The following SLC5A4 variants were observed in gnomAD, a reference collection of about 807,000 sequenced individuals.
SLC5A4 encodes the protein solute carrier family 5 member 4.
SLC5A4 carries 55 observed loss-of-function variants against 70.3 expected under a neutral mutation model. The ratio of observed to expected loss-of-function variants is 0.78; its 90% CI spans 0.63 to 0.98. The LOEUF (loss-of-function observed/expected upper bound fraction) is 0.98, where lower values mean the gene tolerates loss of function less well. SLC5A4 is among the 50% of genes least tolerant of loss of function. The probability of loss-of-function intolerance (pLI) is 0.00; values close to 1 mark genes in which losing one functional copy is unlikely to be tolerated. For synonymous variants in SLC5A4, 268 were observed against 305.7 expected (o/e 0.88, Z 1.29); for missense variants, 735 against 839.2 (o/e 0.88, Z 1.53).
chr22:32,223,476 C>T (rs1392396355), intron 13 of SLC5A4, among the ~76,000 whole-genome samples: 1 of 152,200 alleles, frequency 6.6e-6, no homozygotes, highest in African/African-American at 2.4e-5. Flanking sequence ...TCATATTAAA[C>T]ATTTTTGCCA....
At chr22:32,239,491 C>T (rs1926259319) in intron 5 of SLC5A4, among the ~76,000 whole-genome samples, 1 of 116,176 alleles carries the variant, frequency 8.6e-6, no homozygotes, top group Non-Finnish European at 1.7e-5. Context: ...GTAATTGAGT[C>T]ACTGCACTCC....
chr22:32,328,116 C>A, the SLC5A4 span, among the ~76,000 whole-genome samples: 1 of 147,996 alleles, frequency 6.8e-6, no homozygotes, highest in Admixed American at 6.7e-5. Context: ...ACACCAGAGC[C>A]CCCAAAACAC....
chr22:32,239,518 T>TTTTATATATATA (rs1455543266), intron 5 of SLC5A4, among the ~76,000 whole-genome samples: 6 of 25,226 alleles, frequency 2.4e-4, no homozygotes, highest in Admixed American at 8.8e-4. Context: ...GGAGTGCATA[T>TTTTATATATATA]TATATATATA....
chr22:32,305,466 G>GGAGAAAAACAGTATT, the SLC5A4 span, among the ~76,000 whole-genome samples: 2 of 148,944 alleles, frequency 1.3e-5, no homozygotes, highest in Non-Finnish European at 3.0e-5. Context: ...AGACCTCTCT[G>GGAGAAAAACAGTATT]GAGAAAAACA....
At chr22:32,279,407 A>G in the SLC5A4 span, among the ~76,000 whole-genome samples, 1 of 152,280 alleles carries the variant, frequency 6.6e-6, no homozygotes, top group African/African-American at 2.4e-5. Flanking sequence ...ATAATCGCTG[A>G]GAGCTGGAGA....
At chr22:32,278,650 A>G in the SLC5A4 span, among the ~76,000 whole-genome samples, 1 of 152,344 alleles carries the variant, frequency 6.6e-6, no homozygotes, top group African/African-American at 2.4e-5. Context: ...AAAAAATACT[A>G]TATTCAAAGA....
chr22:32,301,415 G>A, the SLC5A4 span, among the ~76,000 whole-genome samples: 1 of 152,156 alleles, frequency 6.6e-6, no homozygotes, highest in South Asian at 2.1e-4. Context: ...AATGATTAAT[G>A]ATGTTAAATA....
chr22:32,247,527 G>A lies in SLC5A4; in HGVS notation c.373-12C>T, dbSNP rs747728159. The A allele has an allele frequency of 2.5e-6, 4 of 1,575,256 alleles. No homozygotes were observed. The highest frequency in any genetic ancestry group is 4.5e-5 in the East Asian group (2 of 44,660). ...GGCATGGTCATCACCTGCAGAGACAGACATTGACAGGGACTTAACTTACCC... is the reference window on the plus strand; with the variant it reads ...GGCATGGTCATCACCTGCAGAGACAAACATTGACAGGGACTTAACTTACCC... On this transcript the variant is annotated splice_polypyrimidine_tract_variant and intron_variant, in intron 4 of 14. Coordinates refer to ENST00000266086, the MANE Select transcript of SLC5A4 (RefSeq NM_014227.3).
the SLC5A4 span, chr22:32,269,351 C>T: frequency 5.6e-6 from 2 of 355,650 alleles, no homozygotes; most frequent in Non-Finnish European, 1.1e-5. This position sits in a 1 kb window ranked among gnomAD's most constrained non-coding sequence, Gnocchi z 4.1. Context: ...TATTTTGATT[C>T]CATAGGAGTG....
At chr22:32,221,768 TAAG>T (rs1213105123) in intron 13 of SLC5A4, among the ~76,000 whole-genome samples, 1 of 152,136 alleles carries the variant, frequency 6.6e-6, no homozygotes, top group East Asian at 1.9e-4. Context: ...TTGTTTTCAA[TAAG>T]AAGGAGTTTC....
At chr22:32,339,438 C>G in the SLC5A4 span, among the ~76,000 whole-genome samples, 1 of 152,228 alleles carries the variant, frequency 6.6e-6, no homozygotes, top group South Asian at 2.1e-4. Context: ...TAGACAGGAT[C>G]TGAACTCAGC....
rs906371346 is a variant in SLC5A4, at chr22:32,224,268, T to G, written c.1664A>C (p.His555Pro). Residue 555 changes from histidine to proline, a missense_variant and splice_region_variant, in exon 13 of 15, where the codon CAT (histidine) becomes CCT (proline). By Grantham distance (77) the His-to-Pro change is moderately conservative. Coordinates refer to ENST00000266086, the MANE Select transcript of SLC5A4 (RefSeq NM_014227.3). ...SLLTKPIPDV[H>P]LYRLCWVLRN... Reference sequence around the variant, plus strand: ...ATGTATTCATTACTCATCACTCACATGTACATCAGGAATGGGTTTTGTTAA... The same window carrying G: ...ATGTATTCATTACTCATCACTCACAGGTACATCAGGAATGGGTTTTGTTAA... The G allele has an allele frequency of 2.5e-6, 4 of 1,606,160 alleles. No individual in the cohort carries two copies. Among genetic ancestry groups the G allele is most frequent in the Admixed American group, 1.7e-5 (1 of 60,004 alleles).
the SLC5A4 span, among the ~76,000 whole-genome samples, chr22:32,302,676 CTG>C: frequency 6.6e-6 from 1 of 152,192 alleles, no homozygotes; most frequent in African/African-American, 2.4e-5. Flanking sequence ...TTCCATTCAT[CTG>C]TGTGTCTGTC....
intron 5 of SLC5A4, among the ~76,000 whole-genome samples, chr22:32,239,558 A>AAATATATATT (rs1926332563): frequency 4.0e-5 from 1 of 24,986 alleles, no homozygotes. Context: ...ATATATATAT[A>AAATATATATT]TATATATATA....
At chr22:32,321,112 C>T in the SLC5A4 span, among the ~76,000 whole-genome samples, 1 of 152,200 alleles carries the variant, frequency 6.6e-6, no homozygotes, top group Non-Finnish European at 1.5e-5. Flanking sequence ...ATGTTGAAAC[C>T]CCATCTCTAC....
chr22:32,307,865 C>CA, the SLC5A4 span, among the ~76,000 whole-genome samples: 5 of 152,170 alleles, frequency 3.3e-5, no homozygotes, highest in Non-Finnish European at 5.9e-5. Context: ...GGGGACCAGG[C>CA]AGACACCCTC....
chr22:32,285,068 T>C, the SLC5A4 span: 1 of 152,250 alleles, frequency 6.6e-6, no homozygotes, highest in Admixed American at 6.5e-5. Context: ...TCATATATTT[T>C]ATGATTATTT....
At chr22:32,290,775 T>C in the SLC5A4 span, among the ~76,000 whole-genome samples, 1 of 152,070 alleles carries the variant, frequency 6.6e-6, no homozygotes, top group African/African-American at 2.4e-5. Flanking sequence ...CTTCACATGA[T>C]AGAAGAGATG....
chr22:32,324,267 G>GTATATA, the SLC5A4 span, among the ~76,000 whole-genome samples: 152 of 121,450 alleles, frequency 1.3e-3, no homozygotes, highest in African/African-American at 2.0e-3. Context: ...ACACATATAT[G>GTATATA]TATATATATA....
Sources: gnomAD v4.1 joint callset for allele counts (sites outside exome capture counted in the v4.1 genomes callset) on GRCh38, gnomAD v4.1.1 for gene constraint, Gnocchi (gnomAD v3.1) non-coding constraint, MANE v1.5 for transcripts, NCBI Gene and HGNC (gene_info 2026-07-23, HGNC 2026-07-21) for gene names.